The following FGF12 variants were observed in gnomAD, a reference collection of about 807,000 sequenced individuals.
FGF12 encodes the protein fibroblast growth factor 12.
In FGF12, 14 loss-of-function variants were observed where a neutral mutation model predicts 23.6. The observed-to-expected ratio is 0.59, with a 90% CI of 0.39 to 0.93. The LOEUF (loss-of-function observed/expected upper bound fraction) is 0.93. Ranked by LOEUF, FGF12 falls within the 40% of genes least tolerant of loss-of-function variation. The probability of loss-of-function intolerance (pLI) is 0.00; values close to 1 mark genes in which losing one functional copy is unlikely to be tolerated. For synonymous variants in FGF12, 62 were observed against 77.3 expected, an observed-to-expected ratio of 0.80 and a Z score of 1.04; for missense variants, 175 against 217.8, an observed-to-expected ratio of 0.80 and a Z score of 1.24.
chr3:192,235,063 G>A (rs1398879647), intron 4 of FGF12, among the ~76,000 whole-genome samples: 1 of 152,152 alleles, frequency 6.6e-6, no homozygotes, highest in East Asian at 1.9e-4. Flanking sequence ...CATAGAATGA[G>A]TTAGGCAGGA....
At chr3:192,209,015 CA>C (rs780806999) in intron 4 of FGF12, among the ~76,000 whole-genome samples, 12 of 152,194 alleles carry the variant, frequency 7.9e-5, no homozygotes, top group Non-Finnish European at 7.3e-5. Context: ...TTGATAACAA[CA>C]CACGTTTTTA....
rs1553840885 is a variant in FGF12, at chr3:192,141,154, A to AAAAAAAAAAAAAAAAAAAAT, written c.*2854_*2855insATTTTTTTTTTTTTTTTTTT. 7.3e-6 allele frequency: 1 copy of AAAAAAAAAAAAAAAAAAAAT among 136,608 alleles called. No homozygotes were observed. The highest frequency in any genetic ancestry group is 1.6e-5 in the Non-Finnish European group (1 of 62,220). 8.5% of individuals were successfully genotyped at this position (136,608 alleles called of 1,614,324 possible). A position where few individuals can be genotyped will look rare whatever the true frequency, so the allele number is the denominator to read the frequency against. Reference sequence around the variant, plus strand: ...AAAAAAAAAAAAAAAAAAAAAAAAAAGCTTATTTTACTTAAAAAGGAAAAG... The same window carrying AAAAAAAAAAAAAAAAAAAAT: ...AAAAAAAAAAAAAAAAAAAAAAAAAAAAAAAAAAAAAAAAAAAAATGCTTATTTTACTTAAAAAGGAAAAG... On this transcript the variant is annotated 3_prime_UTR_variant, in exon 6 of 6. Coordinates refer to ENST00000445105, the MANE Select transcript of FGF12 (RefSeq NM_004113.6).
chr3:192,167,749 AT>A (rs1560175533), intron 5 of FGF12, among the ~76,000 whole-genome samples: 14 of 25,470 alleles, frequency 5.5e-4, no homozygotes, highest in South Asian at 3.7e-3. Flanking sequence ...ATATATATAT[AT>A]ATATATATAT....
chr3:192,289,990 A>C (rs1714669008), intron 4 of FGF12, among the ~76,000 whole-genome samples: 1 of 152,186 alleles, frequency 6.6e-6, no homozygotes. Flanking sequence ...TGACATTTGC[A>C]AGATGATTGC....
intron 2 of FGF12, among the ~76,000 whole-genome samples, chr3:192,547,251 G>GTC (rs1007271318): frequency 6.6e-6 from 1 of 152,156 alleles, no homozygotes; most frequent in Non-Finnish European, 1.5e-5. Context: ...AGCAGGTGAC[G>GTC]TCTCTCTCCC....
At chr3:192,483,499 TTCC>T (rs1012721893) in intron 2 of FGF12, among the ~76,000 whole-genome samples, 1 of 152,216 alleles carries the variant, frequency 6.6e-6, no homozygotes, top group African/African-American at 2.4e-5. Context: ...ACGGTTTTAT[TTCC>T]TCAAGATGCT....
At chr3:192,619,343 G>C (rs1714883354) in intron 2 of FGF12, among the ~76,000 whole-genome samples, 1 of 151,908 alleles carries the variant, frequency 6.6e-6, no homozygotes, top group Non-Finnish European at 1.5e-5. Context: ...TATATGAAAA[G>C]CAAAGGGAAG....
intron 2 of FGF12, among the ~76,000 whole-genome samples, chr3:192,508,297 T>G (rs749030214): frequency 2.6e-5 from 4 of 152,222 alleles, no homozygotes; most frequent in Admixed American, 6.5e-5. Flanking sequence ...GAAATGCAAA[T>G]GCCCCACATT....
chr3:192,412,003 G>A (rs969130132), intron 2 of FGF12, among the ~76,000 whole-genome samples: 2 of 151,876 alleles, frequency 1.3e-5, no homozygotes, highest in African/African-American at 4.8e-5. Context: ...TGAAATGCTT[G>A]TTAACATGCT....
chr3:192,654,783 GGTTATGGTTTTCGTATATTCAACA>G (rs1193924087), intron 2 of FGF12, among the ~76,000 whole-genome samples: 6 of 152,104 alleles, frequency 3.9e-5, no homozygotes, highest in Non-Finnish European at 8.8e-5. Context: ...TGTAGAAACT[GGTTATGGTTTTCGTATATTCAACA>G]GAAAGAGTGT....
intron 2 of FGF12, among the ~76,000 whole-genome samples, chr3:192,527,739 C>T (rs1724985498): frequency 6.6e-6 from 1 of 152,096 alleles, no homozygotes; most frequent in African/African-American, 2.4e-5. Flanking sequence ...ATACCAGAGA[C>T]TGAGCAATTT....
intron 2 of FGF12, among the ~76,000 whole-genome samples, chr3:192,595,566 T>A (rs1461149693): frequency 6.6e-6 from 1 of 152,222 alleles, no homozygotes; most frequent in Non-Finnish European, 1.5e-5. Flanking sequence ...CACAGATTGC[T>A]GGGCTACACC....
At chr3:192,724,684 T>C (rs1719152565) in intron 2 of FGF12, among the ~76,000 whole-genome samples, 1 of 152,212 alleles carries the variant, frequency 6.6e-6, no homozygotes, top group African/African-American at 2.4e-5. Flanking sequence ...TCCTCTCTTC[T>C]TTACCCTGTA....
intron 2 of FGF12, among the ~76,000 whole-genome samples, chr3:192,702,697 T>G (rs1327343307): frequency 6.6e-6 from 1 of 151,904 alleles, no homozygotes; most frequent in African/African-American, 2.4e-5. Context: ...GAGGCTGAGG[T>G]GGCAGGATCA....
chr3:192,619,389 G>C (rs896703919), intron 2 of FGF12, among the ~76,000 whole-genome samples: 14 of 152,168 alleles, frequency 9.2e-5, no homozygotes, highest in African/African-American at 3.1e-4. Context: ...AAGGTGATTA[G>C]ACTAGTGCGT....
At chr3:192,209,554 T>G (rs946704111) in intron 4 of FGF12, among the ~76,000 whole-genome samples, 1 of 152,206 alleles carries the variant, frequency 6.6e-6, no homozygotes, top group African/African-American at 2.4e-5. Flanking sequence ...AGGATAAACA[T>G]GCACAAGATG....
At chr3:192,720,987 T>C (rs955979917) in intron 2 of FGF12, among the ~76,000 whole-genome samples, 1 of 152,218 alleles carries the variant, frequency 6.6e-6, no homozygotes, top group Admixed American at 6.5e-5. Flanking sequence ...TCAATATATC[T>C]CCATCCCCAA....
At chr3:192,565,147 T>G (rs1483423773) in intron 2 of FGF12, among the ~76,000 whole-genome samples, 3 of 152,258 alleles carry the variant, frequency 2.0e-5, no homozygotes, top group Non-Finnish European at 4.4e-5. Context: ...GAGATGACTT[T>G]AAGCATATTT....
chr3:192,215,564 T>A (rs1184929467), intron 4 of FGF12, among the ~76,000 whole-genome samples: 1 of 152,142 alleles, frequency 6.6e-6, no homozygotes, highest in Non-Finnish European at 1.5e-5. Context: ...AGCCATAAAT[T>A]CAATACTACT....
Sources: allele counts gnomAD v4.1 joint callset (sites outside exome capture counted in the v4.1 genomes callset), GRCh38; gene constraint gnomAD v4.1.1; transcripts MANE v1.5; gene names NCBI Gene and HGNC (gene_info 2026-07-23, HGNC 2026-07-21).